APH1B: variants seen among roughly 807,000 people sequenced by gnomAD.
APH1B encodes the protein gamma-secretase subunit APH-1B.
In APH1B, 27 loss-of-function variants were observed where a neutral mutation model predicts 28.2. The observed-to-expected ratio is 0.96, with a 90% CI of 0.70 to 1.32. The LOEUF (loss-of-function observed/expected upper bound fraction) is 1.32, where lower values mean the gene tolerates loss of function less well. Ranked by LOEUF, APH1B falls within the 40% of genes most tolerant of loss-of-function variation. APH1B has a pLI of 0.00. For missense variants in APH1B, 305 were observed against 313.6 expected (o/e 0.97, Z 0.21); for synonymous variants, 141 against 124.6 (o/e 1.13, Z -0.88).
chr15:63,280,227 C>G (rs1381578025), intron 2 of APH1B, among the ~76,000 whole-genome samples: 1 of 152,122 alleles, frequency 6.6e-6, no homozygotes, highest in African/African-American at 2.4e-5. Flanking sequence ...TAAAAAATGC[C>G]TTGGGTTCCC....
intron 4 of APH1B, among the ~76,000 whole-genome samples, chr15:63,296,312 T>G (rs1008196619): frequency 2.0e-5 from 3 of 152,194 alleles, no homozygotes; most frequent in Admixed American, 2.0e-4. Flanking sequence ...CCCATTGATC[T>G]TCACATCCTG....
intron 2 of APH1B, among the ~76,000 whole-genome samples, chr15:63,281,121 G>A (rs899212447): frequency 6.6e-6 from 1 of 151,916 alleles, no homozygotes; most frequent in Non-Finnish European, 1.5e-5. Context: ...GGGAGACAGA[G>A]CCAGACCCTG....
In APH1B at chr15:63,308,322, A is replaced by G. The variant is rs2038708000; in HGVS notation, c.*2541A>G. 1 of 152,110 alleles carries G rather than the reference A, an allele frequency of 6.6e-6. No homozygotes were observed. Among genetic ancestry groups the G allele is most frequent in the African/African-American group, 2.4e-5 (1 of 41,410 alleles). 9.4% of individuals were successfully genotyped at this position (152,110 alleles called of 1,614,324 possible). ...CTAGTATAAGCTATATTTATTTTTG[A>G]TTCATTTGAATTACTAGTTATAACT... On this transcript the variant is annotated 3_prime_UTR_variant, in exon 6 of 6. Coordinates refer to ENST00000261879, the MANE Select transcript of APH1B (RefSeq NM_031301.4).
At chr15:63,286,747 G>T in intron 3 of APH1B, 119 bp downstream of exon 3, 2 of 914,930 alleles carry the variant, frequency 2.2e-6, no homozygotes, top group East Asian at 5.6e-5. Flanking sequence ...TTGGCCTATT[G>T]GTGTACATAT....
rs1249044000 is a variant in APH1B at position 63,306,902 on chromosome 15, T to C, written c.*1121T>C. Reference sequence around the variant, plus strand: ...CCATATGCTCTTTAGATCTAGTCAGTGTCTCTGGGTTTTGGTAGCAGATAC... The same window carrying C: ...CCATATGCTCTTTAGATCTAGTCAGCGTCTCTGGGTTTTGGTAGCAGATAC... On this transcript the variant is annotated 3_prime_UTR_variant, in exon 6 of 6. Coordinates refer to ENST00000261879, the MANE Select transcript of APH1B (RefSeq NM_031301.4). The C allele has an allele frequency of 1.3e-5, 2 of 152,230 alleles. No homozygotes were observed. Among genetic ancestry groups the C allele is most frequent in the African/African-American group, 4.8e-5 (2 of 41,458 alleles). The allele number at this position is 152,230 out of a possible 1,614,324, so 9.4% of individuals were successfully genotyped here. A position where few individuals can be genotyped will look rare whatever the true frequency, so the allele number is the denominator to read the frequency against.
At chr15:63,296,170 G>T (rs926405926) in intron 4 of APH1B, among the ~76,000 whole-genome samples, 2 of 152,228 alleles carry the variant, frequency 1.3e-5, no homozygotes, top group Non-Finnish European at 2.9e-5. Flanking sequence ...ACTCCCACTT[G>T]TGCCAGCTGA....
intron 4 of APH1B, among the ~76,000 whole-genome samples, chr15:63,300,923 T>C (rs778877997): frequency 4.2e-4 from 64 of 152,366 alleles, no homozygotes; most frequent in South Asian, 2.1e-4. Context: ...GATTTATTTA[T>C]CCATTCTGGT....
At chr15:63,288,404 CA>C (rs1209965906) in intron 4 of APH1B, among the ~76,000 whole-genome samples, 1 of 152,182 alleles carries the variant, frequency 6.6e-6, no homozygotes, top group Non-Finnish European at 1.5e-5. Flanking sequence ...TGTTGAATGT[CA>C]TAGTGATCCC....
In APH1B at chr15:63,308,483, T is replaced by A. The variant is rs1458121768; in HGVS notation, c.*2702T>A. 1 of 152,234 alleles carries A rather than the reference T, an allele frequency of 6.6e-6. No homozygotes were observed. The highest frequency in any genetic ancestry group is 2.4e-5 in the African/African-American group (1 of 41,462). 9.4% of individuals were successfully genotyped at this position (152,234 alleles called of 1,614,324 possible). ...TCTGCAGACTGCGTAGAAAATGGCT[T>A]TTGTTCCCAGCGTTAACATTTTCTT... On this transcript the variant is annotated 3_prime_UTR_variant, in exon 6 of 6. Transcript: ENST00000261879.
At chr15:63,284,661 A>G (rs1020518655) in intron 2 of APH1B, among the ~76,000 whole-genome samples, 1 of 152,228 alleles carries the variant, frequency 6.6e-6, no homozygotes, top group Non-Finnish European at 1.5e-5. Context: ...AATAATGACT[A>G]CCATCATATG....
chr15:63,294,184 C>G (rs2038539028), intron 4 of APH1B, among the ~76,000 whole-genome samples: 2 of 151,972 alleles, frequency 1.3e-5, no homozygotes, highest in Admixed American at 6.6e-5. Flanking sequence ...TTGCATGAGA[C>G]AAAAGTCCCA....
chr15:63,278,846 A>G (rs1477144145), intron 1 of APH1B, among the ~76,000 whole-genome samples: 1 of 152,248 alleles, frequency 6.6e-6, no homozygotes, highest in African/African-American at 2.4e-5. Flanking sequence ...TAGAAAGAGT[A>G]GCAAATAACC....
chr15:63,302,277 C>A, intron 4 of APH1B, 68 bp from the exon 5 acceptor site: 1 of 1,570,352 alleles, frequency 6.4e-7, no homozygotes, highest in Non-Finnish European at 8.6e-7. Flanking sequence ...AGAGCCCGTG[C>A]ACAGTGCCAG....
At chr15:63,277,778 C>T (rs775951043) in intron 1 of APH1B, 42 bp downstream of exon 1, 24 of 1,580,444 alleles carry the variant, frequency 1.5e-5, no homozygotes, top group Non-Finnish European at 2.1e-5. Flanking sequence ...CGGGGCTCCC[C>T]TCCCCCGCTG....
intron 4 of APH1B, among the ~76,000 whole-genome samples, chr15:63,293,226 G>C (rs1334584401): frequency 6.9e-6 from 1 of 143,970 alleles, no homozygotes; most frequent in Non-Finnish European, 1.5e-5. Context: ...GTGCAGTGGT[G>C]CGGTCTCGGC....
intron 4 of APH1B, among the ~76,000 whole-genome samples, chr15:63,288,858 A>G (rs1055685645): frequency 6.6e-6 from 1 of 152,206 alleles, no homozygotes; most frequent in Non-Finnish European, 1.5e-5. Flanking sequence ...AATAAAACAT[A>G]ATCGTAAGGG....
At chr15:63,279,746 C>T (rs1048152311) in intron 2 of APH1B, among the ~76,000 whole-genome samples, 1 of 151,366 alleles carries the variant, frequency 6.6e-6, no homozygotes, top group African/African-American at 2.4e-5. Flanking sequence ...CTACAGAAAT[C>T]ATTCCAGCTT....
intron 4 of APH1B, among the ~76,000 whole-genome samples, chr15:63,289,916 A>G (rs1278191036): frequency 2.0e-5 from 3 of 152,104 alleles, no homozygotes; most frequent in Non-Finnish European, 4.4e-5. Context: ...AGGTGGGAGA[A>G]TCATTGAGCC....
intron 2 of APH1B, among the ~76,000 whole-genome samples, chr15:63,280,877 G>A (rs565321903): frequency 2.6e-5 from 4 of 152,306 alleles, no homozygotes; most frequent in African/African-American, 9.6e-5. Flanking sequence ...TGCTGGGCTT[G>A]GTGGCTCATG....
Sources: allele counts gnomAD v4.1 joint callset (sites outside exome capture counted in the v4.1 genomes callset), GRCh38; gene constraint gnomAD v4.1.1; transcripts MANE v1.5; gene names NCBI Gene and HGNC (gene_info 2026-07-23, HGNC 2026-07-21).